AGAP1: variants seen among roughly 807,000 people sequenced by gnomAD.
The protein encoded by AGAP1 is ArfGAP with GTPase domain, ankyrin repeat and PH domain 1.
Under a neutral mutation model 105.3 loss-of-function variants are expected in AGAP1, and 29 were observed. The ratio of observed to expected loss-of-function variants is 0.28; its 90% CI spans 0.21 to 0.38. The LOEUF is 0.38. Ranked by LOEUF, AGAP1 falls within the 10% of genes least tolerant of loss-of-function variation. The pLI is 1.00. For missense variants in AGAP1, 998 were observed against 1,165.1 expected (o/e 0.86, Z 2.09); for synonymous variants, 509 against 485.9 (o/e 1.05, Z -0.63).
intron 1 of AGAP1, among the ~76,000 whole-genome samples, chr2:235,640,881 G>C (rs1266520990): frequency 6.6e-6 from 1 of 152,190 alleles, no homozygotes; most frequent in African/African-American, 2.4e-5. Context: ...GAAAAGTCCA[G>C]GAGTCCTGAC....
chr2:235,828,485 CTTAT>C (rs761175616), intron 9 of AGAP1, among the ~76,000 whole-genome samples: 4 of 152,268 alleles, frequency 2.6e-5, no homozygotes, highest in East Asian at 1.9e-4. Context: ...TAAACTAACA[CTTAT>C]GCATTGTATG....
intron 13 of AGAP1, among the ~76,000 whole-genome samples, chr2:236,010,253 G>T (rs1576048423): frequency 6.6e-6 from 1 of 152,158 alleles, no homozygotes; most frequent in African/African-American, 2.4e-5. Context: ...TGTAATAATT[G>T]GGAGCTGTTA....
At chr2:236,030,127 G>A (rs1424387295) in intron 13 of AGAP1, among the ~76,000 whole-genome samples, 1 of 152,154 alleles carries the variant, frequency 6.6e-6, no homozygotes, top group Non-Finnish European at 1.5e-5. Context: ...CCACTATCTG[G>A]CGACTCTCAC....
intron 16 of AGAP1, among the ~76,000 whole-genome samples, chr2:236,066,695 C>G (rs534623094): frequency 6.6e-6 from 1 of 152,302 alleles, no homozygotes; most frequent in East Asian, 1.9e-4. Context: ...AATTTGCATA[C>G]TGCATTACAC....
chr2:235,781,112 T>C (rs1956234431), intron 6 of AGAP1, among the ~76,000 whole-genome samples: 1 of 152,162 alleles, frequency 6.6e-6, no homozygotes, highest in Non-Finnish European at 1.5e-5. Context: ...TTAATCTGGG[T>C]ATGTCTAAAG....
intron 1 of AGAP1, among the ~76,000 whole-genome samples, chr2:235,707,312 C>T (rs577144907): frequency 6.9e-6 from 1 of 145,068 alleles, no homozygotes; most frequent in Admixed American, 6.8e-5. Flanking sequence ...TCTCTGCCCT[C>T]TAGAGATCAC....
At chr2:235,782,040 G>T (rs1051624780) in intron 6 of AGAP1, among the ~76,000 whole-genome samples, 11 of 152,104 alleles carry the variant, frequency 7.2e-5, no homozygotes, top group African/African-American at 2.4e-4. Flanking sequence ...TTGTTTTAAG[G>T]CCTAGTTTAA....
chr2:235,711,523 G>A (rs1432441486), intron 2 of AGAP1, among the ~76,000 whole-genome samples: 2 of 152,190 alleles, frequency 1.3e-5, no homozygotes, highest in Non-Finnish European at 2.9e-5. Context: ...CTGTCTTAAG[G>A]CTTGCTTCAA....
intron 2 of AGAP1, among the ~76,000 whole-genome samples, chr2:235,715,558 G>C (rs568444771): frequency 6.6e-6 from 1 of 152,192 alleles, no homozygotes; most frequent in Non-Finnish European, 1.5e-5. Context: ...GCAAAGTTGT[G>C]TGCGAGGATT....
In AGAP1 at chr2:235,919,110, GT is replaced by G. The variant is rs1342327017; in HGVS notation, c.1324+10205del. Among the ~76,000 whole-genome samples the G allele has an allele frequency of 6.6e-6, 1 of 152,166 alleles. No individual in the cohort carries two copies. Among genetic ancestry groups the G allele is most frequent in the Non-Finnish European group, 1.5e-5 (1 of 68,026 alleles). On this transcript the variant is annotated intron_variant, in intron 11 of 17. Coordinates refer to ENST00000304032, the MANE Select transcript of AGAP1 (RefSeq NM_001037131.3). This position sits in a 1 kb window ranked among gnomAD's most constrained non-coding sequence, Gnocchi z 4.1. ...CGAGACCAGCGAAGTGGTCTGCAGG[GT>G]CAGCTGTGGGAAAGAGGAGGTGCCC...
chr2:235,980,737 G>A (rs371072884), intron 13 of AGAP1, among the ~76,000 whole-genome samples: 7 of 152,166 alleles, frequency 4.6e-5, no homozygotes, highest in Non-Finnish European at 8.8e-5. Context: ...TGGTCGCTCC[G>A]TGTGACCGTG....
At chr2:236,059,161 TA>T (rs3030746) in intron 16 of AGAP1, among the ~76,000 whole-genome samples, 480 of 143,476 alleles carry the variant, frequency 3.3e-3, no homozygotes, top group South Asian at 8.0e-3. Context: ...ACCGTATCTT[TA>T]AAAAAAAAAA....
At chr2:236,111,092 T>A (rs2059627188) in intron 16 of AGAP1, among the ~76,000 whole-genome samples, 1 of 152,298 alleles carries the variant, frequency 6.6e-6, no homozygotes, top group Middle Eastern at 3.4e-3. Context: ...TACCTCTTAA[T>A]AACATCACCT....
In AGAP1 at chr2:236,003,797, T is replaced by A. The variant is rs948541849; in HGVS notation, c.1646-32764T>A. Among the ~76,000 whole-genome samples, 4 of 152,110 alleles carry A rather than the reference T, an allele frequency of 2.6e-5. No individual in the cohort carries two copies. The highest frequency in any genetic ancestry group is 9.7e-5 in the African/African-American group (4 of 41,414). On this transcript the variant is annotated intron_variant, in intron 13 of 17. Transcript: ENST00000304032. This position sits in a 1 kb window ranked among gnomAD's most constrained non-coding sequence, Gnocchi z 4.2. ...CTGCTGTCCTACCACTTTTTTTTTT[T>A]TCTGGAAGTTTGCATGTCCTACACT...
At position 235,931,278 on chromosome 2, in the gene AGAP1, T is replaced by C. The variant is rs1449045955; in HGVS notation, c.1483+355T>C. On this transcript the variant is annotated intron_variant, in intron 12 of 17. Transcript: ENST00000304032. The surrounding 1 kb of genome is among the most constrained non-coding windows in gnomAD (Gnocchi z 5.6). ...TCTGATTTTATCTCCCCAATCACAC[T>C]GCCCTACGTGGCGTGGCCCACACTC... is the stretch of plus-strand genomic sequence containing the variant. 6.6e-6 allele frequency among the ~76,000 whole-genome samples: 1 copy of C among 152,138 alleles called. No homozygotes were observed. Among genetic ancestry groups the C allele is most frequent in the Non-Finnish European group, 1.5e-5 (1 of 68,026 alleles).
chr2:235,907,713 T>C (rs2051375360), intron 10 of AGAP1, among the ~76,000 whole-genome samples: 1 of 152,328 alleles, frequency 6.6e-6, no homozygotes, highest in South Asian at 2.1e-4. Context: ...AAGTTCCTTA[T>C]ATAATACAGC....
rs1946261549 is a variant in AGAP1 at position 235,614,973 on chromosome 2, C to T, written c.164-94206C>T. Among the ~76,000 whole-genome samples the T allele has an allele frequency of 6.6e-6, 1 of 152,190 alleles. No individual in the cohort carries two copies. Among genetic ancestry groups the T allele is most frequent in the Non-Finnish European group, 1.5e-5 (1 of 68,050 alleles). ...AGTCAAAGTCCAAGTAAACTTCTGCCTGTGTGTGGTGCGCTCAAATAAAGG... is the reference window on the plus strand; with the variant it reads ...AGTCAAAGTCCAAGTAAACTTCTGCTTGTGTGTGGTGCGCTCAAATAAAGG... On this transcript the variant is annotated intron_variant, in intron 1 of 17. Transcript: ENST00000304032. This position sits in a 1 kb window ranked among gnomAD's most constrained non-coding sequence, Gnocchi z 4.7.
intron 9 of AGAP1, among the ~76,000 whole-genome samples, chr2:235,834,226 A>T (rs756681664): frequency 1.4e-4 from 21 of 152,212 alleles, no homozygotes; most frequent in Non-Finnish European, 3.1e-4. Context: ...CTACTTCCAC[A>T]GGTACACAGA....
In AGAP1 at chr2:235,839,000, T is replaced by C. The variant is rs553674832; in HGVS notation, c.1050+31669T>C. Among the ~76,000 whole-genome samples the C allele has an allele frequency of 9.3e-4, 141 of 152,310 alleles. 2 individuals carry two copies. Among genetic ancestry groups the C allele is most frequent in the Admixed American group, 9.2e-4 (14 of 15,298 alleles). Reference sequence around the variant, plus strand: ...GCCATTCATTAAGCTAACGCGGGTGTACGTGAGGTTTATTCAAGAGATAAA... The same window carrying C: ...GCCATTCATTAAGCTAACGCGGGTGCACGTGAGGTTTATTCAAGAGATAAA... On this transcript the variant is annotated intron_variant, in intron 9 of 17. Coordinates refer to ENST00000304032, the MANE Select transcript of AGAP1 (RefSeq NM_001037131.3).
Sources: gnomAD v4.1 joint callset for allele counts (sites outside exome capture counted in the v4.1 genomes callset) on GRCh38, gnomAD v4.1.1 for gene constraint, Gnocchi (gnomAD v3.1) non-coding constraint, MANE v1.5 for transcripts, NCBI Gene and HGNC (gene_info 2026-07-23, HGNC 2026-07-21) for gene names.